The following GALNT10 variants were observed in gnomAD, a reference collection of about 807,000 sequenced individuals.
GALNT10 encodes the protein polypeptide N-acetylgalactosaminyltransferase 10.
GALNT10 carries 41 observed loss-of-function variants against 75.0 expected under a neutral mutation model. That is an observed-to-expected ratio of 0.55 (90% CI 0.43 to 0.71). The LOEUF (loss-of-function observed/expected upper bound fraction) is 0.71, where lower values mean the gene tolerates loss of function less well. Among genes scored for constraint, GALNT10 ranks in the 30% least tolerant of loss-of-function variants. The probability of loss-of-function intolerance (pLI) is 0.00; values close to 1 mark genes in which losing one functional copy is unlikely to be tolerated. For missense variants in GALNT10, 727 were observed against 818.5 expected (o/e 0.89, Z 1.36); for synonymous variants, 302 against 313.0 (o/e 0.96, Z 0.37).
chr5:154,308,920 C>T (rs1754471684), intron 3 of GALNT10, among the ~76,000 whole-genome samples: 1 of 152,096 alleles, frequency 6.6e-6, no homozygotes, highest in East Asian at 1.9e-4. Context: ...CAGCAATGAG[C>T]AAATAGTCAA....
intron 1 of GALNT10, among the ~76,000 whole-genome samples, chr5:154,228,069 G>T (rs1196902116): frequency 6.6e-6 from 1 of 152,096 alleles, no homozygotes; most frequent in Non-Finnish European, 1.5e-5. Context: ...CATGTGATGT[G>T]CCTGCTCCTA....
chr5:154,211,201 G>A (rs1775193231), intron 1 of GALNT10, among the ~76,000 whole-genome samples: 3 of 152,258 alleles, frequency 2.0e-5, no homozygotes, highest in African/African-American at 7.2e-5. Flanking sequence ...GTCCCTTTGG[G>A]GAACTTGCAG....
intron 1 of GALNT10, among the ~76,000 whole-genome samples, chr5:154,269,441 A>G (rs6865310): frequency 4.1e-4 from 62 of 152,344 alleles, no homozygotes; most frequent in African/African-American, 1.5e-3. Context: ...ATAATATACT[A>G]GAACCACTTG....
At chr5:154,260,271 C>T (rs1753682716) in intron 1 of GALNT10, among the ~76,000 whole-genome samples, 1 of 152,150 alleles carries the variant, frequency 6.6e-6, no homozygotes, top group Admixed American at 6.5e-5. Context: ...TTCTCTTTCC[C>T]ATATTTGAAA....
intron 1 of GALNT10, among the ~76,000 whole-genome samples, chr5:154,275,452 T>A (rs1581951074): frequency 6.6e-6 from 1 of 152,220 alleles, no homozygotes; most frequent in East Asian, 1.9e-4. Flanking sequence ...GTGTGGTGAA[T>A]TGCATGTGAC....
At chr5:154,372,300 G>A (rs1341702683) in intron 4 of GALNT10, among the ~76,000 whole-genome samples, 1 of 152,158 alleles carries the variant, frequency 6.6e-6, no homozygotes, top group Non-Finnish European at 1.5e-5. Flanking sequence ...CTGGGGCTGT[G>A]GTTCGAGTGA....
At chr5:154,363,103 T>G (rs1460261651) in intron 4 of GALNT10, among the ~76,000 whole-genome samples, 1 of 152,124 alleles carries the variant, frequency 6.6e-6, no homozygotes, top group Non-Finnish European at 1.5e-5. Flanking sequence ...TAGAGCTACA[T>G]GTACTGTTAT....
At chr5:154,377,860 AAAAG>A (rs945881964) in intron 5 of GALNT10, among the ~76,000 whole-genome samples, 11 of 152,186 alleles carry the variant, frequency 7.2e-5, no homozygotes, top group Non-Finnish European at 1.0e-4. Context: ...AAGAAAAAAA[AAAAG>A]AAAAAAGCCT....
At chr5:154,312,571 A>G (rs1754537765) in intron 3 of GALNT10, among the ~76,000 whole-genome samples, 1 of 152,230 alleles carries the variant, frequency 6.6e-6, no homozygotes, top group Non-Finnish European at 1.5e-5. Flanking sequence ...GTCACATTTT[A>G]AGATATTTCT....
At chr5:154,304,395 A>G (rs1754400664) in intron 3 of GALNT10, among the ~76,000 whole-genome samples, 1 of 152,222 alleles carries the variant, frequency 6.6e-6, no homozygotes, top group Admixed American at 6.5e-5. Flanking sequence ...AGCATGTTAT[A>G]TAGAGAGGAA....
chr5:154,365,597 A>G (rs577156060), intron 4 of GALNT10, among the ~76,000 whole-genome samples: 1 of 152,128 alleles, frequency 6.6e-6, no homozygotes, highest in South Asian at 2.1e-4. Context: ...GGAAGACTTT[A>G]AACTTAACTG....
intron 1 of GALNT10, among the ~76,000 whole-genome samples, chr5:154,209,507 C>T (rs1023540922): frequency 7.2e-5 from 11 of 152,150 alleles, no homozygotes; most frequent in Admixed American, 6.5e-4. Flanking sequence ...TTATTGCTCA[C>T]AGTTCTGGAG....
intron 6 of GALNT10, among the ~76,000 whole-genome samples, chr5:154,381,636 G>A (rs1755736624): frequency 6.6e-6 from 1 of 152,220 alleles, no homozygotes; most frequent in Non-Finnish European, 1.5e-5. Context: ...TAAAATCATA[G>A]TGTCGGCAGG....
chr5:154,380,522 G>A lies in GALNT10; in HGVS notation c.829G>A (p.Glu277Lys), dbSNP rs868139541. Reference protein sequence around the residue: ...DVIDHDDFRYETQAGDAMRGA... With the variant: ...DVIDHDDFRYKTQAGDAMRGA... Reference sequence around the variant, plus strand: ...AATTGACCATGACGACTTTCGGTACGAGACACAGGCAGGGGATGCCATGCG... The same window carrying A: ...AATTGACCATGACGACTTTCGGTACAAGACACAGGCAGGGGATGCCATGCG... Residue 277 changes from glutamate (E) to lysine (K), a missense_variant, in exon 6 of 12, where the codon GAG becomes AAG. Physicochemically the swap from Glu to Lys is moderately conservative, Grantham distance 56. Transcript: ENST00000297107. 9 of 1,613,820 alleles carry A rather than the reference G, an allele frequency of 5.6e-6. No individual in the cohort carries two copies. Among genetic ancestry groups the A allele is most frequent in the African/African-American group, 4.0e-5 (3 of 74,878 alleles).
At chr5:154,377,857 A>G (rs1258503718) in intron 5 of GALNT10, among the ~76,000 whole-genome samples, 1 of 152,156 alleles carries the variant, frequency 6.6e-6, no homozygotes, top group Admixed American at 6.5e-5. Flanking sequence ...TGAAAGAAAA[A>G]AAAAAAGAAA....
chr5:154,328,537 G>C lies in GALNT10; in HGVS notation c.402-1035G>C, dbSNP rs529300452. 3.0e-3 allele frequency among the ~76,000 whole-genome samples: 462 copies of C among 152,306 alleles called. 1 individual carries two copies. Among genetic ancestry groups the C allele is most frequent in the Non-Finnish European group, 3.9e-3 (262 of 68,022 alleles). ...GTGACCAAATGTGTGGGGCAGGGAG[G>C]GGGGCTCCCCGACAAGCAATTCTCC... On this transcript the variant is annotated intron_variant, in intron 3 of 11. Transcript: ENST00000297107.
intron 6 of GALNT10, among the ~76,000 whole-genome samples, chr5:154,382,748 T>C (rs567087926): frequency 1.3e-5 from 2 of 152,334 alleles, no homozygotes; most frequent in African/African-American, 4.8e-5. Context: ...CTTTATTGTT[T>C]GAACCTTTGC....
chr5:154,416,770 CAT>C lies in GALNT10; in HGVS notation c.1654-43_1654-42del, dbSNP rs1252974004. ...ATTGTTGCTGTGGTTTGACTGGCCA[CAT>C]GTCTCCAGTGCTGTCTGGCTTATTA... On this transcript the variant is annotated intron_variant, in intron 11 of 11. Transcript: ENST00000297107. The surrounding 1 kb of genome is among the most constrained non-coding windows in gnomAD (Gnocchi z 4.5). 2 of 1,464,338 alleles carry C rather than the reference CAT, an allele frequency of 1.4e-6. No homozygotes were observed. The highest frequency in any genetic ancestry group is 1.4e-5 in the African/African-American group (1 of 71,990). The allele number at this position is 1,464,338 out of a possible 1,614,324, so 90.7% of individuals were successfully genotyped here. A position where few individuals can be genotyped will look rare whatever the true frequency, so the allele number is the denominator to read the frequency against.
At chr5:154,246,564 G>T (rs144863475) in intron 1 of GALNT10, among the ~76,000 whole-genome samples, 6 of 152,288 alleles carry the variant, frequency 3.9e-5, no homozygotes, top group Admixed American at 2.0e-4. Context: ...GGCCAGTGAT[G>T]ATGAGCATTT....
Sources: gnomAD v4.1 joint callset for allele counts (sites outside exome capture counted in the v4.1 genomes callset) on GRCh38, gnomAD v4.1.1 for gene constraint, Gnocchi (gnomAD v3.1) non-coding constraint, MANE v1.5 for transcripts, NCBI Gene and HGNC (gene_info 2026-07-23, HGNC 2026-07-21) for gene names.